Variants in SMG6 observed in about 807,000 individuals in gnomAD.
The protein encoded by SMG6 is SMG6 nonsense mediated mRNA decay factor.
In SMG6, 66 loss-of-function variants were observed where a neutral mutation model predicts 142.2. The observed-to-expected ratio is 0.46, with a 90% CI of 0.38 to 0.57. SMG6 has a LOEUF of 0.57. SMG6 is among the 20% of genes least tolerant of loss of function. SMG6 has a pLI of 0.00. For synonymous variants in SMG6, 779 were observed against 702.4 expected (o/e 1.11, Z -1.72); for missense variants, 1,793 against 1,832.0 (o/e 0.98, Z 0.39).
At chr17:2,156,210 T>A (rs895080254) in intron 13 of SMG6, among the ~76,000 whole-genome samples, 33 of 150,816 alleles carry the variant, frequency 2.2e-4, no homozygotes, top group African/African-American at 8.0e-4. Context: ...GGCAACATAA[T>A]GAAACTCTGT....
chr17:2,274,188 T>C (rs1212925944), intron 8 of SMG6, among the ~76,000 whole-genome samples: 1 of 152,206 alleles, frequency 6.6e-6, no homozygotes, highest in African/African-American at 2.4e-5. Flanking sequence ...AAAGAACATA[T>C]GCCCTATAAA....
chr17:2,164,792 C>A (rs1236491561), intron 13 of SMG6, among the ~76,000 whole-genome samples: 1 of 152,102 alleles, frequency 6.6e-6, no homozygotes, highest in African/African-American at 2.4e-5. Context: ...CAAAAATTAG[C>A]CAGGCGTGGT....
At chr17:2,138,663 A>C (rs1379728116) in intron 13 of SMG6, among the ~76,000 whole-genome samples, 1 of 152,214 alleles carries the variant, frequency 6.6e-6, no homozygotes, top group East Asian at 1.9e-4. Context: ...TCTAAGAATA[A>C]GAATGGAAAC....
chr17:2,085,951 A>G lies in SMG6; in HGVS notation c.3358-50T>C, dbSNP rs776533236. ...AAAACAGCATTTTCTGAAAGGGAAG[A>G]TGGAGACGAGATGTTGCTTGCCGGC... On this transcript the variant is annotated intron_variant, in intron 13 of 18. Coordinates refer to ENST00000263073, the MANE Select transcript of SMG6 (RefSeq NM_017575.5). This position sits in a 1 kb window ranked among gnomAD's most constrained non-coding sequence, Gnocchi z 4.1. 6 of 1,582,482 alleles carry G rather than the reference A, an allele frequency of 3.8e-6. No individual in the cohort carries two copies. Among genetic ancestry groups the G allele is most frequent in the Non-Finnish European group, 5.2e-6 (6 of 1,152,778 alleles).
chr17:2,190,020 C>T (rs1263260944), intron 10 of SMG6, among the ~76,000 whole-genome samples: 1 of 152,102 alleles, frequency 6.6e-6, no homozygotes, highest in East Asian at 1.9e-4. Flanking sequence ...AGGCCCTAAA[C>T]CTCTGTTACA....
chr17:2,198,425 T>C (rs998489987), intron 10 of SMG6, among the ~76,000 whole-genome samples: 2 of 152,144 alleles, frequency 1.3e-5, no homozygotes, highest in Non-Finnish European at 2.9e-5. Context: ...ATTATAGTAA[T>C]AGTTACATGA....
At chr17:2,122,694 T>A (rs1181726721) in intron 13 of SMG6, among the ~76,000 whole-genome samples, 1 of 152,192 alleles carries the variant, frequency 6.6e-6, no homozygotes, top group African/African-American at 2.4e-5. Context: ...CTCCAGTAGT[T>A]CTGTGTCTGG....
rs114228882 is a variant in SMG6 at position 2,097,922 on chromosome 17, T to C, written c.3358-12021A>G. On this transcript the variant is annotated intron_variant, in intron 13 of 18. Coordinates refer to ENST00000263073, the MANE Select transcript of SMG6 (RefSeq NM_017575.5). ...TATCGGGGATACTCAATTTTAATAA[T>C]AGACTTAACAGCATTACTGTTGTTG... Among the ~76,000 whole-genome samples the C allele has an allele frequency of 9.4e-3, 1,427 of 152,274 alleles. 10 individuals are homozygous for C. The highest frequency in any genetic ancestry group is 0.032 in the African/African-American group (1,326 of 41,544).
At chr17:2,139,980 C>T (rs1442808325) in intron 13 of SMG6, among the ~76,000 whole-genome samples, 2 of 151,778 alleles carry the variant, frequency 1.3e-5, no homozygotes, top group Admixed American at 1.3e-4. Flanking sequence ...CCCACCTCAG[C>T]CTCCCAAAGT....
At chr17:2,147,219 C>G (rs906295890) in intron 13 of SMG6, among the ~76,000 whole-genome samples, 1 of 152,006 alleles carries the variant, frequency 6.6e-6, no homozygotes, top group Non-Finnish European at 1.5e-5. Context: ...ATGGTGAAAC[C>G]CTGTCTCTAC....
intron 12 of SMG6, among the ~76,000 whole-genome samples, chr17:2,186,179 G>A (rs1459088033): frequency 6.6e-6 from 1 of 150,536 alleles, no homozygotes; most frequent in Non-Finnish European, 1.5e-5. Flanking sequence ...GTGAGATCGC[G>A]TCACTGCACT....
At position 2,255,417 on chromosome 17, in the gene SMG6, AAAAAAAAAAAAAG is replaced by A. The variant is rs555576150; in HGVS notation, c.2662-10711_2662-10699del. On this transcript the variant is annotated intron_variant, in intron 8 of 18. Transcript: ENST00000263073. ...AGACTCCGTCTCAAAAAAAAAAAAAAAAAAAAAAAAAAGAATGTGATCTTCATTAAAGCCACTG... is the reference window on the plus strand; with the variant it reads ...AGACTCCGTCTCAAAAAAAAAAAAAAAATGTGATCTTCATTAAAGCCACTG... Among the ~76,000 whole-genome samples, 367 of 150,510 alleles carry A rather than the reference AAAAAAAAAAAAAG, an allele frequency of 2.4e-3. 23 individuals are homozygous for A. The East Asian group carries it at 0.05, about 21-fold the overall frequency.
chr17:2,163,430 T>C (rs1198762961), intron 13 of SMG6, among the ~76,000 whole-genome samples: 5 of 152,304 alleles, frequency 3.3e-5, no homozygotes, highest in Non-Finnish European at 5.9e-5. Flanking sequence ...TCCTCCCACC[T>C]TGGCCTCCCA....
chr17:2,130,285 G>A (rs2957923), intron 13 of SMG6, among the ~76,000 whole-genome samples: 5,328 of 80,328 alleles, frequency 0.066, 300 homozygotes, highest in African/African-American at 0.089. Flanking sequence ...AAAAAAAAAA[G>A]AAACAGCATT....
At chr17:2,230,330 AAAAAAAGG>A (rs1157905980) in intron 10 of SMG6, among the ~76,000 whole-genome samples, 99 of 52,340 alleles carry the variant, frequency 1.9e-3, no homozygotes, top group East Asian at 6.9e-3. Context: ...AAAAAAAAAA[AAAAAAAGG>A]GAAAACCACA....
At chr17:2,104,796 T>C (rs2069109418) in intron 13 of SMG6, among the ~76,000 whole-genome samples, 1 of 152,216 alleles carries the variant, frequency 6.6e-6, no homozygotes, top group East Asian at 1.9e-4. Context: ...GTGATGAAGC[T>C]GGGCTTTGAA....
chr17:2,229,308 C>G (rs895547200), intron 10 of SMG6: 5 of 152,238 alleles, frequency 3.3e-5, no homozygotes, highest in African/African-American at 1.2e-4. Flanking sequence ...TTCTGACTTA[C>G]CCCAACTCTC....
rs1361865730 is a variant in SMG6, at chr17:2,236,615, C to T, written c.2746G>A (p.Ala916Thr). 1.1e-5 allele frequency: 17 copies of T among 1,611,792 alleles called. No individual in the cohort carries two copies. Among genetic ancestry groups the T allele is most frequent in the Middle Eastern group, 1.7e-4 (1 of 6,054 alleles). Residue 916 changes from alanine to threonine, a missense_variant, in exon 10 of 19, where the codon GCT becomes ACT. Around this residue, in one of 3 missense-constraint regions of SMG6, gnomAD observed 1,597 missense variants for 1,584.6 expected, o/e 1.01. Coordinates refer to ENST00000263073, the MANE Select transcript of SMG6 (RefSeq NM_017575.5). ...TGGAACTCCTTGAGGACCTTCTCAG[C>T]CACTGCAGGGAATGTCTCCATCCTG... ...RIGMETFPAV[A>T]EKVLKEFQVL... is the part of the protein sequence containing the mutation.
chr17:2,177,842 CA>C (rs1168012920), intron 12 of SMG6, among the ~76,000 whole-genome samples: 2 of 152,174 alleles, frequency 1.3e-5, no homozygotes, highest in Non-Finnish European at 2.9e-5. Context: ...GACACAAAGA[CA>C]AATGGCTGTA....
Sources: gnomAD v4.1 joint callset for allele counts (sites outside exome capture counted in the v4.1 genomes callset) on GRCh38, gnomAD v4.1.1 for gene constraint, gnomAD v4.1.1 regional missense constraint, Gnocchi (gnomAD v3.1) non-coding constraint, MANE v1.5 for transcripts, NCBI Gene and HGNC (gene_info 2026-07-23, HGNC 2026-07-21) for gene names.